Variants in NELL1 observed in about 807,000 individuals in gnomAD.
The protein encoded by NELL1 is protein kinase C-binding protein NELL1.
A neutral mutation model predicts 107.4 loss-of-function variants in NELL1; 76 were observed. The ratio of observed to expected loss-of-function variants is 0.71; its 90% CI spans 0.59 to 0.86. The LOEUF (loss-of-function observed/expected upper bound fraction) is 0.86. Among genes scored for constraint, NELL1 ranks in the 40% least tolerant of loss-of-function variants. The probability of loss-of-function intolerance (pLI) is 0.00; values close to 1 mark genes in which losing one functional copy is unlikely to be tolerated. For synonymous variants in NELL1, 353 were observed against 341.2 expected (o/e 1.03, Z -0.38); for missense variants, 1,024 against 1,005.5 (o/e 1.02, Z -0.25).
At chr11:20,929,436 CTT>C (rs562139864) in intron 9 of NELL1, among the ~76,000 whole-genome samples, 27 of 142,792 alleles carry the variant, frequency 1.9e-4, no homozygotes, top group Admixed American at 2.8e-4. Flanking sequence ...TGTAATCTTC[CTT>C]TTTTTTTTTT....
At position 21,086,576 on chromosome 11, in the gene NELL1, G is replaced by A. The variant is rs1000332666; in HGVS notation, c.1301-27013G>A. On this transcript the variant is annotated intron_variant, in intron 12 of 19. Transcript: ENST00000357134. ...CTTCTGTCGTTGGATTAACTTAAAC[G>A]GAAAGCTTGATGTACCCAGTTACAC... Among the ~76,000 whole-genome samples, 7 of 152,144 alleles carry A rather than the reference G, an allele frequency of 4.6e-5. No homozygotes were observed. The East Asian group carries it at 9.7e-4, about 21-fold the overall frequency.
At chr11:21,437,077 T>G (rs973461692) in intron 15 of NELL1, among the ~76,000 whole-genome samples, 1 of 152,198 alleles carries the variant, frequency 6.6e-6, no homozygotes, top group African/African-American at 2.4e-5. Context: ...GGAAAGAATG[T>G]GTATTCTGTA....
At chr11:21,443,895 T>C (rs1189457066) in intron 15 of NELL1, among the ~76,000 whole-genome samples, 1 of 152,086 alleles carries the variant, frequency 6.6e-6, no homozygotes, top group East Asian at 1.9e-4. Flanking sequence ...AGGTTAATTT[T>C]TTTTCTGATT....
At chr11:20,934,723 G>C (rs911525638) in intron 9 of NELL1, among the ~76,000 whole-genome samples, 1 of 152,236 alleles carries the variant, frequency 6.6e-6, no homozygotes, top group Non-Finnish European at 1.5e-5. Flanking sequence ...GCCTTGCCAA[G>C]TTGGCAGCAG....
intron 13 of NELL1, among the ~76,000 whole-genome samples, chr11:21,121,682 A>G (rs1207415902): frequency 1.3e-5 from 2 of 152,144 alleles, no homozygotes; most frequent in African/African-American, 4.8e-5. Context: ...TTCAAGTTGA[A>G]TTGAAGAAAT....
intron 15 of NELL1, among the ~76,000 whole-genome samples, chr11:21,513,692 T>C (rs1855493067): frequency 6.6e-6 from 1 of 152,196 alleles, no homozygotes; most frequent in Admixed American, 6.5e-5. Flanking sequence ...GACTCTGAAA[T>C]CTGAAACCAA....
rs1190612263 is a variant in NELL1 at position 21,575,174 on chromosome 11, G to A, written c.*152G>A. The A allele has an allele frequency of 1.4e-6, 1 of 702,976 alleles. No homozygotes were observed. The highest frequency in any genetic ancestry group is 2.5e-6 in the Non-Finnish European group (1 of 407,132). 43.5% of individuals were successfully genotyped at this position (702,976 alleles called of 1,614,324 possible). A position where few individuals can be genotyped will look rare whatever the true frequency, so the allele number is the denominator to read the frequency against. On this transcript the variant is annotated 3_prime_UTR_variant, in exon 20 of 20. Coordinates refer to ENST00000357134, the MANE Select transcript of NELL1 (RefSeq NM_006157.5). ...TTCCACCTGAGGACGGTGTTTGGAG[G>A]TTGCCTTTTGGACCTACCACTTTGC...
intron 15 of NELL1, among the ~76,000 whole-genome samples, chr11:21,489,564 T>G (rs1048999301): frequency 2.6e-5 from 4 of 151,872 alleles, no homozygotes; most frequent in African/African-American, 9.7e-5. Context: ...ACTAGCAAGC[T>G]GAATCCAACA....
intron 15 of NELL1, among the ~76,000 whole-genome samples, chr11:21,380,156 T>G (rs1245403154): frequency 6.6e-6 from 1 of 152,058 alleles, no homozygotes; most frequent in Non-Finnish European, 1.5e-5. Flanking sequence ...ACTTGCTCAG[T>G]AAATGGCAAC....
chr11:21,441,882 G>C (rs1853294802), intron 15 of NELL1, among the ~76,000 whole-genome samples: 1 of 152,054 alleles, frequency 6.6e-6, no homozygotes, highest in Admixed American at 6.5e-5. Context: ...ACAAGAGCCT[G>C]ACTTCATGGA....
intron 15 of NELL1, among the ~76,000 whole-genome samples, chr11:21,442,065 A>C (rs1853299693): frequency 6.6e-6 from 1 of 152,232 alleles, no homozygotes; most frequent in Non-Finnish European, 1.5e-5. Context: ...AAGTCATCAA[A>C]AAATATTAAC....
At chr11:21,498,233 C>T (rs988688246) in intron 15 of NELL1, among the ~76,000 whole-genome samples, 1 of 150,870 alleles carries the variant, frequency 6.6e-6, no homozygotes. Flanking sequence ...ATTCCTTCTA[C>T]ATTTTCCTCC....
At chr11:21,126,834 A>T (rs942651307) in intron 13 of NELL1, among the ~76,000 whole-genome samples, 4 of 152,220 alleles carry the variant, frequency 2.6e-5, no homozygotes, top group African/African-American at 9.6e-5. Context: ...TAACAAGGAG[A>T]TGATGTAGTG....
intron 12 of NELL1, among the ~76,000 whole-genome samples, chr11:21,025,364 A>G (rs1852792502): frequency 6.6e-6 from 1 of 151,960 alleles, no homozygotes. Context: ...AGCAAGGTTA[A>G]GTAACTTCCC....
intron 12 of NELL1, among the ~76,000 whole-genome samples, chr11:21,083,316 A>G (rs1472397971): frequency 1.3e-5 from 2 of 152,160 alleles, no homozygotes; most frequent in Non-Finnish European, 2.9e-5. Context: ...GTCAGAGGGT[A>G]TAGGGGTGTT....
At chr11:20,900,341 CA>C (rs1321621032) in intron 5 of NELL1, among the ~76,000 whole-genome samples, 1 of 152,158 alleles carries the variant, frequency 6.6e-6, no homozygotes, top group African/African-American at 2.4e-5. Flanking sequence ...TTGGCCAAAG[CA>C]AGTTACAAGC....
intron 15 of NELL1, among the ~76,000 whole-genome samples, chr11:21,446,244 T>G (rs765564478): frequency 9.9e-5 from 15 of 152,198 alleles, no homozygotes; most frequent in Non-Finnish European, 1.8e-4. Flanking sequence ...ATACTTTCTC[T>G]GTGTTATCCT....
At chr11:20,885,410 T>A in intron 4 of NELL1, 34 bp from the exon 5 acceptor site, 1 of 1,372,546 alleles carries the variant, frequency 7.3e-7, no homozygotes. Context: ...GCTTTGAGCC[T>A]CTCTATTAGT....
At chr11:21,296,183 G>A (rs181432523) in intron 14 of NELL1, among the ~76,000 whole-genome samples, 7 of 151,830 alleles carry the variant, frequency 4.6e-5, no homozygotes, top group Non-Finnish European at 7.4e-5. Flanking sequence ...TCATAATACC[G>A]GGTATTATCC....
Sources: allele counts gnomAD v4.1 joint callset (sites outside exome capture counted in the v4.1 genomes callset), GRCh38; gene constraint gnomAD v4.1.1; transcripts MANE v1.5; gene names NCBI Gene and HGNC (gene_info 2026-07-23, HGNC 2026-07-21).